The following AP4S1 variants were observed in gnomAD, a reference collection of about 807,000 sequenced individuals.
AP4S1 encodes AP-4 complex subunit sigma-1.
A neutral mutation model predicts 19.8 loss-of-function variants in AP4S1; 23 were observed. That is an observed-to-expected ratio of 1.16 (90% confidence interval 0.84 to 1.65). The LOEUF (loss-of-function observed/expected upper bound fraction) is 1.65, where lower values mean the gene tolerates loss of function less well. Among genes scored for constraint, AP4S1 ranks in the 40% most tolerant of loss-of-function variants. AP4S1 has a pLI of 0.00. For synonymous variants in AP4S1, 46 were observed against 54.1 expected (o/e 0.85, Z 0.66); for missense variants, 166 against 172.8 (o/e 0.96, Z 0.22).
chr14:31,047,811 G>A (rs879643484), intron 1 of AP4S1, among the ~76,000 whole-genome samples: 2 of 151,978 alleles, frequency 1.3e-5, no homozygotes, highest in Admixed American at 6.6e-5. Flanking sequence ...CAAGCCTCCC[G>A]AGTAGTTGGG....
chr14:31,079,470 G>A (rs1288436780), intron 4 of AP4S1, among the ~76,000 whole-genome samples: 1 of 152,054 alleles, frequency 6.6e-6, no homozygotes, highest in African/African-American at 2.4e-5. Flanking sequence ...TGCACATTCG[G>A]AGGGAAGGCT....
intron 1 of AP4S1, among the ~76,000 whole-genome samples, chr14:31,058,093 C>A (rs1053748869): frequency 6.7e-6 from 1 of 149,440 alleles, no homozygotes; most frequent in Non-Finnish European, 1.5e-5. Flanking sequence ...CTTGTTTTTT[C>A]GCTTGTTTGT....
At chr14:31,027,617 G>T (rs1333374388) in intron 1 of AP4S1, among the ~76,000 whole-genome samples, 2 of 152,134 alleles carry the variant, frequency 1.3e-5, no homozygotes, top group African/African-American at 4.8e-5. Context: ...AGCCGAGATC[G>T]CACCACTGCA....
chr14:31,079,432 G>A (rs1008154724), intron 4 of AP4S1, among the ~76,000 whole-genome samples: 2 of 152,030 alleles, frequency 1.3e-5, no homozygotes, highest in African/African-American at 2.4e-5. Context: ...CTGCACATTC[G>A]GAGGGACACG....
At chr14:31,080,777 G>C (rs1254486037) in intron 5 of AP4S1, 193 bp downstream of exon 5, 1 of 767,974 alleles carries the variant, frequency 1.3e-6, no homozygotes, top group Non-Finnish European at 2.3e-6. Context: ...CTTCAACAAG[G>C]CGATTCTTTT....
intron 3 of AP4S1, among the ~76,000 whole-genome samples, chr14:31,071,043 C>A (rs1223310593): frequency 6.6e-6 from 1 of 151,626 alleles, no homozygotes; most frequent in African/African-American, 2.4e-5. Flanking sequence ...CAGAGTGAGA[C>A]TCCATCTCAA....
At chr14:31,049,328 G>A (rs1396512765) in intron 1 of AP4S1, among the ~76,000 whole-genome samples, 4 of 148,298 alleles carry the variant, frequency 2.7e-5, no homozygotes, top group African/African-American at 9.9e-5. Context: ...GCAGGAGAAT[G>A]GTGTGAACCC....
At chr14:31,082,953 G>T (rs1368684743) in intron 5 of AP4S1, among the ~76,000 whole-genome samples, 1 of 151,974 alleles carries the variant, frequency 6.6e-6, no homozygotes, top group Non-Finnish European at 1.5e-5. Flanking sequence ...AATAGTTGAT[G>T]TTGCCATGAC....
chr14:31,062,963 C>T (rs4981821), intron 1 of AP4S1, among the ~76,000 whole-genome samples: 65,463 of 149,046 alleles, frequency 0.44, 15,051 homozygotes, highest in Admixed American at 0.57. Context: ...CACGAGACTC[C>T]GTTTCCAAAA....
chr14:31,058,188 G>A (rs1017212826), intron 1 of AP4S1, among the ~76,000 whole-genome samples: 2 of 151,570 alleles, frequency 1.3e-5, no homozygotes, highest in Admixed American at 1.3e-4. Context: ...CCTTGGCCTC[G>A]CAAAGTGCTG....
At chr14:31,079,327 C>T (rs1292712991) in intron 4 of AP4S1, among the ~76,000 whole-genome samples, 2 of 151,986 alleles carry the variant, frequency 1.3e-5, no homozygotes, top group Admixed American at 6.6e-5. Flanking sequence ...TTTGTCTAAA[C>T]CCATGGAATG....
chr14:31,053,589 C>CTTTTTTTTTTTTTTTTTTTTTTTTTT (rs758966011), intron 1 of AP4S1, among the ~76,000 whole-genome samples: 2 of 71,174 alleles, frequency 2.8e-5, no homozygotes, highest in Non-Finnish European at 2.4e-5. Context: ...TGACTTTTTT[C>CTTTTTTTTTTTTTTTTTTTTTTTTTT]TTTTTTTTTT....
intron 1 of AP4S1, among the ~76,000 whole-genome samples, chr14:31,039,977 A>G (rs1229867343): frequency 1.3e-5 from 2 of 152,174 alleles, no homozygotes; most frequent in East Asian, 3.8e-4. Flanking sequence ...TAATATGAAC[A>G]TTAGAGTAAA....
At chr14:31,043,090 G>A (rs898494501) in intron 1 of AP4S1, among the ~76,000 whole-genome samples, 1 of 152,084 alleles carries the variant, frequency 6.6e-6, no homozygotes, top group Non-Finnish European at 1.5e-5. Context: ...GCATGGTGGT[G>A]CACGCCTGTA....
chr14:31,058,731 C>CT (rs1164617388), intron 1 of AP4S1, among the ~76,000 whole-genome samples: 426 of 141,258 alleles, frequency 3.0e-3, no homozygotes, highest in African/African-American at 7.6e-3. Context: ...CGATGCCTGG[C>CT]TTTTTTTTTT....
intron 1 of AP4S1, among the ~76,000 whole-genome samples, chr14:31,029,823 T>G (rs1402629469): frequency 6.6e-6 from 1 of 151,516 alleles, no homozygotes; most frequent in Non-Finnish European, 1.5e-5. Context: ...AAACCCTGTC[T>G]TAAGACAAAC....
intron 1 of AP4S1, 138 bp from the exon 2 acceptor site, chr14:31,065,988 G>A (rs1886694984): frequency 2.0e-6 from 1 of 492,034 alleles, no homozygotes; most frequent in Admixed American, 3.4e-5. Flanking sequence ...ACCTCAATTA[G>A]TTCATAGGAA....
intron 1 of AP4S1, among the ~76,000 whole-genome samples, chr14:31,041,131 T>G (rs72670321): frequency 0.44 from 65,894 of 150,946 alleles, 15,433 homozygotes; most frequent in Admixed American, 0.58. Context: ...ATATCTGGTT[T>G]GAAATATTTT....
chr14:31,042,785 A>C (rs1216559048), intron 1 of AP4S1, among the ~76,000 whole-genome samples: 2 of 152,194 alleles, frequency 1.3e-5, no homozygotes, highest in Admixed American at 6.5e-5. Flanking sequence ...TTATTAATGT[A>C]TACTTTAAAG....
Sources: allele counts gnomAD v4.1 joint callset (sites outside exome capture counted in the v4.1 genomes callset), GRCh38; gene constraint gnomAD v4.1.1; transcripts MANE v1.5; gene names NCBI Gene and HGNC (gene_info 2026-07-23, HGNC 2026-07-21).